The following KCTD9 variants were observed in gnomAD, a reference collection of about 807,000 sequenced individuals.
The protein encoded by KCTD9 is BTB/POZ domain-containing protein KCTD9.
KCTD9 carries 17 observed loss-of-function variants against 53.3 expected under a neutral mutation model. The observed-to-expected ratio is 0.32, with a 90% CI of 0.22 to 0.48. The LOEUF (loss-of-function observed/expected upper bound fraction) is 0.48, where lower values mean the gene tolerates loss of function less well. Ranked by LOEUF, KCTD9 falls within the 20% of genes least tolerant of loss-of-function variation. The pLI is 0.99. For synonymous variants in KCTD9, 128 were observed against 162.7 expected (o/e 0.79, Z 1.62); for missense variants, 179 against 465.5 (o/e 0.38, Z 5.66).
At chr8:25,446,661 T>G (rs1397950199) in intron 1 of KCTD9, among the ~76,000 whole-genome samples, 1 of 152,234 alleles carries the variant, frequency 6.6e-6, no homozygotes, top group East Asian at 1.9e-4. Context: ...AATGAGTTCA[T>G]GCATAAGAGC....
chr8:25,454,649 A>T (rs537014354), intron 1 of KCTD9, among the ~76,000 whole-genome samples: 40 of 152,360 alleles, frequency 2.6e-4, no homozygotes, highest in African/African-American at 9.6e-4. Context: ...TAAAAAACAA[A>T]AACAAAAAAA....
chr8:25,455,744 T>C (rs11984651), intron 1 of KCTD9, among the ~76,000 whole-genome samples: 61,062 of 151,830 alleles, frequency 0.4, 12,616 homozygotes, highest in African/African-American at 0.51. Context: ...ACAACCAATC[T>C]GTGAAGAAGA....
chr8:25,439,818 T>C, intron 4 of KCTD9, 154 bp from the exon 5 acceptor site: 1 of 1,457,864 alleles, frequency 6.9e-7, no homozygotes, highest in Non-Finnish European at 9.1e-7. Context: ...GTGCAGTAAG[T>C]TGCCATTTAT....
intron 2 of KCTD9, among the ~76,000 whole-genome samples, chr8:25,445,635 T>C (rs930492049): frequency 6.6e-6 from 1 of 152,126 alleles, no homozygotes; most frequent in Non-Finnish European, 1.5e-5. Context: ...GAGATAAATC[T>C]GCCTGAGATA....
chr8:25,455,965 T>C (rs1802425307), intron 1 of KCTD9, among the ~76,000 whole-genome samples: 1 of 152,218 alleles, frequency 6.6e-6, no homozygotes, highest in Non-Finnish European at 1.5e-5. Context: ...CTGTGGTGTG[T>C]CATCTCACTC....
At chr8:25,453,312 G>A (rs1483781981) in intron 1 of KCTD9, among the ~76,000 whole-genome samples, 1 of 150,962 alleles carries the variant, frequency 6.6e-6, no homozygotes, top group Admixed American at 6.6e-5. Flanking sequence ...AGCCAAGATC[G>A]CGCCACTGCA....
intron 4 of KCTD9, among the ~76,000 whole-genome samples, chr8:25,440,346 C>T (rs1178632997): frequency 6.6e-6 from 1 of 152,122 alleles, no homozygotes; most frequent in Non-Finnish European, 1.5e-5. Flanking sequence ...GCGTGAGCCA[C>T]CGCGCCCAGC....
intron 3 of KCTD9, among the ~76,000 whole-genome samples, chr8:25,443,292 A>C (rs1415610373): frequency 6.6e-6 from 1 of 152,192 alleles, no homozygotes; most frequent in Non-Finnish European, 1.5e-5. Context: ...TGAGACAGGA[A>C]AAGGTTTTAA....
Position 25,436,433 on chromosome 8 carries a change from T to C in KCTD9, c.552A>G (p.Leu184=), listed in dbSNP as rs773483472. ...FFGIDSLIEH[L]EVAIKNSQPP... ...ACAGGCTTACCTTTATTGCCACTTC[T>C]AGGTGTTCAATCAATGAGTCAATAC... Residue 184 remains leucine, a synonymous_variant, in exon 7 of 12, where the codon CTA becomes CTG. Coordinates refer to ENST00000221200, the MANE Select transcript of KCTD9 (RefSeq NM_017634.4). The C allele has an allele frequency of 6.2e-7, 1 of 1,606,268 alleles. No individual in the cohort carries two copies. The highest frequency in any genetic ancestry group is 1.3e-5 in the African/African-American group (1 of 74,544).
intron 1 of KCTD9, chr8:25,450,362 G>A: frequency 1.0e-6 from 1 of 985,242 alleles, no homozygotes; most frequent in Non-Finnish European, 1.2e-6. Flanking sequence ...ACCGCCATAG[G>A]TTCAAATGGT....
chr8:25,449,433 C>A (rs1802277290), intron 1 of KCTD9, among the ~76,000 whole-genome samples: 2 of 152,146 alleles, frequency 1.3e-5, no homozygotes, highest in South Asian at 4.1e-4. Flanking sequence ...AAAATAGATG[C>A]AAGTTGAATG....
chr8:25,437,323 G>T (rs1266214268), intron 6 of KCTD9, among the ~76,000 whole-genome samples: 1 of 152,178 alleles, frequency 6.6e-6, no homozygotes, highest in Non-Finnish European at 1.5e-5. Flanking sequence ...AGGGAATGCA[G>T]CCAGGATACG....
chr8:25,454,951 C>A (rs1461295829), intron 1 of KCTD9, among the ~76,000 whole-genome samples: 1 of 152,130 alleles, frequency 6.6e-6, no homozygotes, highest in South Asian at 2.1e-4. Context: ...ATAAGCCGGG[C>A]ATGGTGGCTC....
intron 1 of KCTD9, among the ~76,000 whole-genome samples, chr8:25,453,249 C>G (rs1802365375): frequency 6.6e-6 from 1 of 151,826 alleles, no homozygotes; most frequent in Non-Finnish European, 1.5e-5. Context: ...TCCAGCTACT[C>G]AGGAGGCTGA....
chr8:25,456,225 A>G (rs1203794002), intron 1 of KCTD9, among the ~76,000 whole-genome samples: 1 of 152,246 alleles, frequency 6.6e-6, no homozygotes, highest in African/African-American at 2.4e-5. Context: ...AAACAAAAGC[A>G]GAAGCGAGGT....
rs554407139 is a variant in KCTD9, at chr8:25,448,275, A to C, written c.49-2025T>G. Among the ~76,000 whole-genome samples, 32 of 152,312 alleles carry C rather than the reference A, an allele frequency of 2.1e-4. No homozygotes were observed. The Middle Eastern group carries it at 0.014, about 65-fold the overall frequency. ...TTTTGACAGTATGCTAAATGAAATAAGCCAGTCACAAAAGGATAAATATTC... is the reference window on the plus strand; with the variant it reads ...TTTTGACAGTATGCTAAATGAAATACGCCAGTCACAAAAGGATAAATATTC... On this transcript the variant is annotated intron_variant, in intron 1 of 11. Coordinates refer to ENST00000221200, the MANE Select transcript of KCTD9 (RefSeq NM_017634.4).
chr8:25,439,753 C>G lies in KCTD9; in HGVS notation c.312-89G>C, dbSNP rs573672770. On this transcript the variant is annotated intron_variant, in intron 4 of 11. Coordinates refer to ENST00000221200, the MANE Select transcript of KCTD9 (RefSeq NM_017634.4). ...AAGAGTATACTCGATCCCAGCTGCT[C>G]TCTCAAAAAGATGCATGCTACAACC... 1.8e-5 allele frequency: 28 copies of G among 1,591,872 alleles called. No homozygotes were observed. In the African/African-American group the frequency reaches 3.1e-4, roughly 18 times the overall value.
At position 25,458,370 on chromosome 8, in the gene KCTD9, C is replaced by A; in HGVS notation, c.-124G>T. ...CGGATTCGCCTCCCTTCGCCACCTT[C>A]CTGCCCTTGGGGACACACCACACGC... On this transcript the variant is annotated 5_prime_UTR_variant, in exon 1 of 12. Coordinates refer to ENST00000221200, the MANE Select transcript of KCTD9 (RefSeq NM_017634.4). The A allele has an allele frequency of 8.9e-7, 1 of 1,119,816 alleles. No individual in the cohort carries two copies. Among genetic ancestry groups the A allele is most frequent in the South Asian group, 1.4e-5 (1 of 72,868 alleles). The allele number at this position is 1,119,816 out of a possible 1,614,324, so 69.4% of individuals were successfully genotyped here.
chr8:25,441,670 A>G (rs75776956), intron 3 of KCTD9, among the ~76,000 whole-genome samples: 131 of 152,312 alleles, frequency 8.6e-4, no homozygotes, highest in African/African-American at 3.1e-3. Flanking sequence ...GACTTAAGGG[A>G]AAGAAAAGGT....
Sources: allele counts gnomAD v4.1 joint callset (sites outside exome capture counted in the v4.1 genomes callset), GRCh38; gene constraint gnomAD v4.1.1; transcripts MANE v1.5; gene names NCBI Gene and HGNC (gene_info 2026-07-23, HGNC 2026-07-21).